The following TM9SF2 variants were observed in gnomAD, a reference collection of about 807,000 sequenced individuals.
The protein encoded by TM9SF2 is 76 kDa membrane protein.
A neutral mutation model predicts 84.9 loss-of-function variants in TM9SF2; 13 were observed. The ratio of observed to expected loss-of-function variants is 0.15; its 90% CI spans 0.10 to 0.24. The LOEUF (loss-of-function observed/expected upper bound fraction) is 0.24. Among genes scored for constraint, TM9SF2 ranks in the 10% least tolerant of loss-of-function variants. The pLI, the probability that TM9SF2 is intolerant of heterozygous loss-of-function variation, is 1.00. For missense variants in TM9SF2, 562 were observed against 818.5 expected (o/e 0.69, Z 3.82); for synonymous variants, 273 against 285.8 (o/e 0.96, Z 0.45).
intron 6 of TM9SF2, 150 bp from the exon 7 acceptor site, chr13:99,539,296 A>G (rs767601220): frequency 3.4e-5 from 21 of 610,742 alleles, no homozygotes; most frequent in Non-Finnish European, 5.9e-5. Flanking sequence ...TTGTACACAT[A>G]TGATGTAAAT....
At chr13:99,517,347 A>G (rs977439775) in intron 1 of TM9SF2, among the ~76,000 whole-genome samples, 1 of 152,160 alleles carries the variant, frequency 6.6e-6, no homozygotes, top group Non-Finnish European at 1.5e-5. Flanking sequence ...GCTAGTCACA[A>G]ACTCCTGGCC....
chr13:99,517,322 C>T (rs1022146540), intron 1 of TM9SF2, among the ~76,000 whole-genome samples: 9 of 152,004 alleles, frequency 5.9e-5, no homozygotes, highest in Non-Finnish European at 7.4e-5. Context: ...AACGGGGTCT[C>T]GCTGTATTGC....
At chr13:99,524,318 G>A (rs538370509) in intron 3 of TM9SF2, among the ~76,000 whole-genome samples, 18 of 152,266 alleles carry the variant, frequency 1.2e-4, no homozygotes, top group African/African-American at 3.4e-4. Context: ...GAAGAGGTCA[G>A]AATCTGTGAA....
chr13:99,531,353 G>A (rs1261607834), intron 4 of TM9SF2, among the ~76,000 whole-genome samples: 1 of 152,102 alleles, frequency 6.6e-6, no homozygotes, highest in African/African-American at 2.4e-5. Flanking sequence ...ACTTCCTTTT[G>A]GATATTTGTC....
chr13:99,546,697 G>A (rs1329713923), intron 10 of TM9SF2, among the ~76,000 whole-genome samples: 1 of 152,018 alleles, frequency 6.6e-6, no homozygotes, highest in Non-Finnish European at 1.5e-5. Context: ...AGAGTCAAAT[G>A]CACTCTTGAG....
Position 99,519,075 on chromosome 13 carries a change from A to C in TM9SF2, c.240-961A>C, listed in dbSNP as rs902945716. 1.2e-4 allele frequency among the ~76,000 whole-genome samples: 19 copies of C among 152,178 alleles called. 1 individual carries two copies. The highest frequency in any genetic ancestry group is 1.2e-3 in the Admixed American group (18 of 15,276). On this transcript the variant is annotated intron_variant, in intron 2 of 16. Coordinates refer to ENST00000376387, the MANE Select transcript of TM9SF2 (RefSeq NM_004800.3). Reference sequence around the variant, plus strand: ...TTTGCTGTAGAGAAAAGTATACACAAAAAAGTTACGACTATCCTAAAGAAT... The same window carrying C: ...TTTGCTGTAGAGAAAAGTATACACACAAAAGTTACGACTATCCTAAAGAAT...
intron 9 of TM9SF2, among the ~76,000 whole-genome samples, chr13:99,543,265 CTTA>C (rs2046268511): frequency 6.6e-6 from 1 of 152,194 alleles, no homozygotes; most frequent in South Asian, 2.1e-4. Context: ...CTGTACAGCG[CTTA>C]TTACCATCTA....
intron 6 of TM9SF2, among the ~76,000 whole-genome samples, chr13:99,538,899 A>C (rs2046245898): frequency 6.6e-6 from 1 of 151,828 alleles, no homozygotes; most frequent in East Asian, 1.9e-4. Flanking sequence ...ACCTTGTCTC[A>C]AAAACAAAAC....
At chr13:99,523,584 A>G (rs1307425450) in intron 3 of TM9SF2, among the ~76,000 whole-genome samples, 1 of 152,244 alleles carries the variant, frequency 6.6e-6, no homozygotes, top group Non-Finnish European at 1.5e-5. Flanking sequence ...CATTGTGTGT[A>G]TTATGTGAAG....
chr13:99,559,634 T>C, intron 16 of TM9SF2, 100 bp downstream of exon 16: 1 of 1,130,656 alleles, frequency 8.8e-7, no homozygotes, highest in South Asian at 1.7e-5. Context: ...GCTTATTCTG[T>C]TAGTGCTCCC....
chr13:99,545,648 C>A (rs2046279414), intron 10 of TM9SF2, among the ~76,000 whole-genome samples: 1 of 151,900 alleles, frequency 6.6e-6, no homozygotes, highest in African/African-American at 2.4e-5. Context: ...CTTACTGAAA[C>A]CTCCACCTCC....
Position 99,536,665 on chromosome 13 carries a change from C to G in TM9SF2, c.519C>G (p.Phe173Leu). ...WCYDVEDGQR[F>L]CNPGFPIGCY... ...ACGATGTTGAAGATGGTCAGAGGTT[C>G]TGTAATCCTGGATTTCCTATTGGCT... The change falls in exon 5 of 17, where the codon TTC becomes TTG. Residue 173 changes from phenylalanine (F) to leucine (L), a missense_variant. This residue lies in a region of TM9SF2 where 267 missense variants were observed against 316.7 expected (regional missense o/e 0.84). Transcript: ENST00000376387. 1 of 1,613,792 alleles carries G rather than the reference C, an allele frequency of 6.2e-7. No homozygotes were observed. Among genetic ancestry groups the G allele is most frequent in the Non-Finnish European group, 8.5e-7 (1 of 1,179,796 alleles).
At chr13:99,560,086 A>T (rs1297661498) in intron 16 of TM9SF2, among the ~76,000 whole-genome samples, 2 of 152,156 alleles carry the variant, frequency 1.3e-5, no homozygotes, top group Non-Finnish European at 2.9e-5. Flanking sequence ...CAACTAGATG[A>T]AAGTTTTCGG....
chr13:99,501,539 G>A lies in TM9SF2; in HGVS notation c.-68G>A. 6.4e-7 allele frequency: 1 copy of A among 1,552,374 alleles called. No homozygotes were observed. The highest frequency in any genetic ancestry group is 2.3e-5 in the East Asian group (1 of 42,926). ...CTCTGGCGGCCTTGTAGTCGTCTCC[G>A]AGACTCCCCACCCCTCCTTCCCTCT... is the stretch of plus-strand genomic sequence containing the variant. On this transcript the variant is annotated 5_prime_UTR_variant, in exon 1 of 17. Coordinates refer to ENST00000376387, the MANE Select transcript of TM9SF2 (RefSeq NM_004800.3).
chr13:99,519,271 A>G (rs1159404638), intron 2 of TM9SF2, among the ~76,000 whole-genome samples: 1 of 148,982 alleles, frequency 6.7e-6, no homozygotes, highest in Non-Finnish European at 1.5e-5. Flanking sequence ...GAGAATCTTC[A>G]TTTGGGAACT....
At chr13:99,550,250 AT>A (rs1426257373) in intron 12 of TM9SF2, among the ~76,000 whole-genome samples, 2 of 151,592 alleles carry the variant, frequency 1.3e-5, no homozygotes, top group Non-Finnish European at 2.9e-5. Flanking sequence ...TTTCCATCTC[AT>A]TTCTTTTCTA....
intron 14 of TM9SF2, 73 bp from the exon 15 acceptor site, chr13:99,555,463 A>G: frequency 8.8e-7 from 1 of 1,138,438 alleles, no homozygotes; most frequent in Non-Finnish European, 1.3e-6. Context: ...TTCAAGAAGA[A>G]TGAAAAGATT....
intron 10 of TM9SF2, 116 bp from the exon 11 acceptor site, chr13:99,546,869 G>A: frequency 7.1e-7 from 1 of 1,409,654 alleles, no homozygotes; most frequent in Non-Finnish European, 9.6e-7. Context: ...AGAGCACATG[G>A]TTTTGCGTGA....
intron 11 of TM9SF2, 76 bp from the exon 12 acceptor site, chr13:99,549,089 A>G: frequency 7.7e-7 from 1 of 1,304,298 alleles, no homozygotes. Flanking sequence ...TTTGGCAAAT[A>G]TCAGACTTGT....
Sources: gnomAD v4.1 joint callset for allele counts (sites outside exome capture counted in the v4.1 genomes callset) on GRCh38, gnomAD v4.1.1 for gene constraint, gnomAD v4.1.1 regional missense constraint, MANE v1.5 for transcripts, NCBI Gene and HGNC (gene_info 2026-07-23, HGNC 2026-07-21) for gene names.